TTC23L: variants seen among roughly 807,000 people sequenced by gnomAD.
TTC23L encodes the protein tetratricopeptide repeat domain 23 like.
A neutral mutation model predicts 48.1 loss-of-function variants in TTC23L; 42 were observed. The observed-to-expected ratio is 0.87, with a 90% CI of 0.68 to 1.13. The LOEUF (loss-of-function observed/expected upper bound fraction) is 1.13. Among genes scored for constraint, TTC23L ranks in the 50% most tolerant of loss-of-function variants. The pLI is 0.00. For synonymous variants in TTC23L, 159 were observed against 157.2 expected, an observed-to-expected ratio of 1.01 and a Z score of -0.09; for missense variants, 391 against 421.0, an observed-to-expected ratio of 0.93 and a Z score of 0.62.
In TTC23L at chr5:34,864,439, G is replaced by A. The variant is rs373241802; in HGVS notation, c.539G>A (p.Gly180Asp). The A allele has an allele frequency of 5.6e-5, 91 of 1,613,404 alleles. No individual in the cohort carries two copies. The African/African-American group carries it at 1.1e-3, about 19-fold the overall frequency. Residue 180 changes from glycine to aspartate, a missense_variant and splice_region_variant, in exon 6 of 11, where the codon GGC (glycine) becomes GAC (aspartate). Coordinates refer to ENST00000505624, the Ensembl canonical transcript of TTC23L. Reference sequence around the variant, plus strand: ...GCCATTTTCCTTGACTATTTCACTGGCAGAGAAGCCTATTTCAACCTGCAG... The same window carrying A: ...GCCATTTTCCTTGACTATTTCACTGACAGAGAAGCCTATTTCAACCTGCAG...
downstream of TTC23L, chr5:34,902,461 G>A: frequency 3.1e-6 from 1 of 323,506 alleles, no homozygotes. Context: ...CTGTGTCTTT[G>A]GGGATCCAAG....
At chr5:34,877,007 TA>T (rs544736997) in intron 8 of TTC23L, among the ~76,000 whole-genome samples, 1 of 150,246 alleles carries the variant, frequency 6.7e-6, no homozygotes, top group Non-Finnish European at 1.5e-5. Flanking sequence ...TATCAAGATT[TA>T]AAAAAAAACA....
rs529212979 is a variant in TTC23L, at chr5:34,881,439, CT to C, written c.1077+1134del. Reference sequence around the variant, plus strand: ...ACTGCAGCATGAACACAGTGAAGACCTTTGTCTGTCATAAGATCCCACATGA... The same window carrying C: ...ACTGCAGCATGAACACAGTGAAGACCTTGTCTGTCATAAGATCCCACATGA... On this transcript the variant is annotated intron_variant, in intron 9 of 10. Transcript: ENST00000505624. 2.2e-3 allele frequency among the ~76,000 whole-genome samples: 335 copies of C among 152,272 alleles called. 1 individual carries two copies. The highest frequency in any genetic ancestry group is 7.9e-3 in the African/African-American group (328 of 41,570).
intron 9 of TTC23L, chr5:34,880,706 T>C (rs1323904775): frequency 2.8e-6 from 1 of 360,734 alleles, no homozygotes; most frequent in Admixed American, 4.1e-5. Flanking sequence ...TGGGGCGATC[T>C]CGGCTCACTG....
chr5:34,877,114 A>C (rs1269228889), intron 8 of TTC23L, among the ~76,000 whole-genome samples: 1 of 152,248 alleles, frequency 6.6e-6, no homozygotes, highest in Non-Finnish European at 1.5e-5. Context: ...AGAATTATAC[A>C]CTACAGCCAA....
chr5:34,847,996 C>G (rs112960329), intron 3 of TTC23L, among the ~76,000 whole-genome samples: 3 of 152,260 alleles, frequency 2.0e-5, no homozygotes, highest in African/African-American at 7.2e-5. Context: ...TAGATCTGAC[C>G]TAACAACACT....
At position 34,840,250 on chromosome 5, in the gene TTC23L, G is replaced by GAA. The variant is rs1554016489; in HGVS notation, c.-7-413_-7-412dup. Among the ~76,000 whole-genome samples, 43 of 108,260 alleles carry GAA rather than the reference G, an allele frequency of 4.0e-4. 2 individuals are homozygous for GAA. The highest frequency in any genetic ancestry group is 1.3e-3 in the African/African-American group (43 of 32,364). The allele number at this position is 108,260 out of a possible 152,430, so 71.0% of individuals were successfully genotyped here. On this transcript the variant is annotated intron_variant, in intron 1 of 10. Transcript: ENST00000505624. ...GTGAAATGACCCCGGGGGGGGGGGG[G>GAA]AAAGCAGAATTAACCAATACACTGG...
Position 34,863,190 on chromosome 5 carries a change from G to A in TTC23L, c.536+136G>A, listed in dbSNP as rs1760807643. 1.9e-6 allele frequency: 2 copies of A among 1,038,916 alleles called. No individual in the cohort carries two copies. Among genetic ancestry groups the A allele is most frequent in the Non-Finnish European group, 2.8e-6 (2 of 708,632 alleles). 64.4% of individuals were successfully genotyped at this position (1,038,916 alleles called of 1,614,324 possible). On this transcript the variant is annotated intron_variant, in intron 5 of 10. Coordinates refer to ENST00000505624, the Ensembl canonical transcript of TTC23L. The surrounding 1 kb of genome is among the most constrained non-coding windows in gnomAD (Gnocchi z 4.1). ...GTTCCAACATCAAGGCCCTCCATGAGCCTCTCCTCTCCATCTAGAAGGGTG... is the reference window on the plus strand; with the variant it reads ...GTTCCAACATCAAGGCCCTCCATGAACCTCTCCTCTCCATCTAGAAGGGTG...
chr5:34,893,456 A>T (rs1415194628), intron 9 of TTC23L, among the ~76,000 whole-genome samples: 1 of 152,214 alleles, frequency 6.6e-6, no homozygotes, highest in Non-Finnish European at 1.5e-5. Context: ...CCCATGGAAT[A>T]CATACATGTG....
chr5:34,854,808 A>G (rs1365184414), intron 4 of TTC23L, among the ~76,000 whole-genome samples: 2 of 152,226 alleles, frequency 1.3e-5, no homozygotes, highest in African/African-American at 2.4e-5. Flanking sequence ...ATGTAACATA[A>G]AGAAGCCCTC....
chr5:34,882,856 A>C (rs1201525928), intron 9 of TTC23L, among the ~76,000 whole-genome samples: 1 of 152,120 alleles, frequency 6.6e-6, no homozygotes, highest in Non-Finnish European at 1.5e-5. Context: ...CCTGGGCAAC[A>C]AAGTGAGACC....
the TTC23L span, chr5:34,925,492 A>G: frequency 3.1e-6 from 5 of 1,607,974 alleles, no homozygotes; most frequent in African/African-American, 1.3e-5. Flanking sequence ...GGAAAACAAA[A>G]TAAGTCAATG....
At chr5:34,877,497 C>T (rs886685096) in intron 8 of TTC23L, among the ~76,000 whole-genome samples, 3 of 151,566 alleles carry the variant, frequency 2.0e-5, no homozygotes, top group Non-Finnish European at 2.9e-5. Flanking sequence ...GATCTCAGCT[C>T]ACTGCAATCT....
chr5:34,882,393 A>T (rs887157000), intron 9 of TTC23L, among the ~76,000 whole-genome samples: 1 of 152,198 alleles, frequency 6.6e-6, no homozygotes, highest in Non-Finnish European at 1.5e-5. Context: ...TGAGGGCAGG[A>T]ATTTTTGTTT....
exon 11 of TTC23L, chr5:34,899,449 G>C (rs1201696680): frequency 1.3e-5 from 2 of 152,604 alleles, no homozygotes; most frequent in African/African-American, 4.8e-5. Flanking sequence ...AGACAACCTT[G>C]TTGATGATAA....
intron 3 of TTC23L, among the ~76,000 whole-genome samples, chr5:34,847,382 A>C (rs966106735): frequency 2.0e-5 from 3 of 152,144 alleles, no homozygotes; most frequent in Non-Finnish European, 4.4e-5. Context: ...AAAGATTTAG[A>C]TCTTAGGAGA....
chr5:34,915,756 G>A, the TTC23L span: 4 of 1,603,708 alleles, frequency 2.5e-6, no homozygotes, highest in South Asian at 1.1e-5. Flanking sequence ...CAACCAAGAG[G>A]AAACGGCGTG....
the TTC23L span, among the ~76,000 whole-genome samples, chr5:34,905,099 C>T: frequency 6.6e-6 from 1 of 152,210 alleles, no homozygotes; most frequent in Non-Finnish European, 1.5e-5. Context: ...GTTTAGAACA[C>T]TAGCTGTCCA....
the TTC23L span, chr5:34,915,926 T>A: frequency 6.6e-7 from 1 of 1,510,888 alleles, no homozygotes; most frequent in Non-Finnish European, 8.8e-7. Context: ...GGGCTACACC[T>A]GCGGCGGCGG....
Sources: allele counts gnomAD v4.1 joint callset (sites outside exome capture counted in the v4.1 genomes callset), GRCh38; gene constraint gnomAD v4.1.1; non-coding constraint Gnocchi (gnomAD v3.1); transcripts MANE v1.5; gene names NCBI Gene and HGNC (gene_info 2026-07-23, HGNC 2026-07-21).